Variants in PIAS2 observed in about 807,000 individuals in gnomAD.
PIAS2 encodes the protein E3 SUMO-protein ligase PIAS2.
Under a neutral mutation model 69.7 loss-of-function variants are expected in PIAS2, and 19 were observed. That is an observed-to-expected ratio of 0.27 (90% CI 0.19 to 0.40). PIAS2 has a LOEUF of 0.40. PIAS2 is among the 10% of genes least tolerant of loss of function. The pLI, the probability that PIAS2 is intolerant of heterozygous loss-of-function variation, is 1.00. For synonymous variants in PIAS2, 261 were observed against 263.2 expected (o/e 0.99, Z 0.08); for missense variants, 624 against 757.0 (o/e 0.82, Z 2.06).
intron 1 of PIAS2, among the ~76,000 whole-genome samples, chr18:46,906,634 T>A (rs2146238397): frequency 6.6e-6 from 1 of 152,268 alleles, no homozygotes; most frequent in South Asian, 2.1e-4. Context: ...TTGAAAGATG[T>A]TGTAAAAAAC....
At chr18:46,883,781 G>C (rs2052683887) in intron 2 of PIAS2, among the ~76,000 whole-genome samples, 1 of 152,180 alleles carries the variant, frequency 6.6e-6, no homozygotes, top group South Asian at 2.1e-4. Context: ...GGTTGAGGCT[G>C]AAGTGAGCCA....
intron 2 of PIAS2, among the ~76,000 whole-genome samples, chr18:46,886,314 T>TA (rs1162848290): frequency 6.6e-6 from 1 of 151,958 alleles, no homozygotes; most frequent in Non-Finnish European, 1.5e-5. Context: ...TCAACATAGA[T>TA]AAGGAAAAAA....
Position 46,855,248 on chromosome 18 carries a change from T to C in PIAS2, c.726+97A>G. On this transcript the variant is annotated intron_variant, in intron 5 of 13. Coordinates refer to ENST00000585916, the MANE Select transcript of PIAS2 (RefSeq NM_004671.5). ...TATTTAATCTGGATGCTAAAACTGT[T>C]CACTGGTATTCAGCTGTCACTGTTG... 3 of 724,590 alleles carry C rather than the reference T, an allele frequency of 4.1e-6. No homozygotes were observed. The South Asian group carries it at 5.9e-5, about 14-fold the overall frequency. The allele number at this position is 724,590 out of a possible 1,614,324, so 44.9% of individuals were successfully genotyped here.
At chr18:46,829,208 T>C (rs2043235153) in intron 10 of PIAS2, among the ~76,000 whole-genome samples, 1 of 152,212 alleles carries the variant, frequency 6.6e-6, no homozygotes, top group South Asian at 2.1e-4. Context: ...TTAGTGTGGA[T>C]GGATGCAGGC....
At chr18:46,843,801 A>G (rs1466094407) in intron 8 of PIAS2, 1 of 269,966 alleles carries the variant, frequency 3.7e-6, no homozygotes, top group African/African-American at 2.2e-5. Flanking sequence ...TTTTATTACT[A>G]GCTGTATATT....
rs1350944270 is a variant in PIAS2, at chr18:46,844,139, A to T, written c.968-12T>A. On this transcript the variant is annotated splice_polypyrimidine_tract_variant and intron_variant, in intron 7 of 13. Transcript: ENST00000585916. ...AAGTTTTTCTTTAACTTTAAAAAGA[A>T]GAGAAAAAAAAAAATTTAAAAAAAT... 7.5e-7 allele frequency: 1 copy of T among 1,337,490 alleles called. No individual in the cohort carries two copies. The highest frequency in any genetic ancestry group is 9.8e-7 in the Non-Finnish European group (1 of 1,017,970). 82.9% of individuals were successfully genotyped at this position (1,337,490 alleles called of 1,614,324 possible).
chr18:46,850,584 T>C (rs1328380969), intron 5 of PIAS2, among the ~76,000 whole-genome samples: 1 of 152,142 alleles, frequency 6.6e-6, no homozygotes, highest in Non-Finnish European at 1.5e-5. Flanking sequence ...ACAAAAAACT[T>C]CACAGAAAAT....
intron 3 of PIAS2, among the ~76,000 whole-genome samples, chr18:46,856,074 T>C (rs1367345654): frequency 8.2e-5 from 12 of 146,934 alleles, no homozygotes; most frequent in Admixed American, 6.2e-4. Context: ...GGCGCGATCT[T>C]GGCTCACTGC....
chr18:46,807,749 T>G lies in PIAS2; in HGVS notation c.*4684A>C, dbSNP rs2040782144. On this transcript the variant is annotated 3_prime_UTR_variant, in exon 14 of 14. Coordinates refer to ENST00000585916, the MANE Select transcript of PIAS2 (RefSeq NM_004671.5). Reference sequence around the variant, plus strand: ...AGCTTGGGAAAATCTCTGCCAATGATCTCCATATCAGTTAACCCCGTTCCA... The same window carrying G: ...AGCTTGGGAAAATCTCTGCCAATGAGCTCCATATCAGTTAACCCCGTTCCA... The G allele has an allele frequency of 6.6e-6, 1 of 152,264 alleles. No homozygotes were observed. Among genetic ancestry groups the G allele is most frequent in the South Asian group, 2.1e-4 (1 of 4,816 alleles). The allele number at this position is 152,264 out of a possible 1,614,324, so 9.4% of individuals were successfully genotyped here. A position where few individuals can be genotyped will look rare whatever the true frequency, so the allele number is the denominator to read the frequency against.
chr18:46,877,944 T>G (rs574127504), intron 2 of PIAS2, among the ~76,000 whole-genome samples: 1 of 152,332 alleles, frequency 6.6e-6, no homozygotes, highest in South Asian at 2.1e-4. Flanking sequence ...GTAAATGAAA[T>G]AATGCCACAA....
rs910177227 is a variant in PIAS2, at chr18:46,911,676, C to T, written c.24+5646G>A. ...CAATTTCTAGATTTTCCTGCAGAAG[C>T]ACAGAAAACTTTAGAAGAGTTATAA... On this transcript the variant is annotated intron_variant, in intron 1 of 13. Transcript: ENST00000585916. 2.0e-5 allele frequency among the ~76,000 whole-genome samples: 3 copies of T among 152,160 alleles called. No homozygotes were observed. In the South Asian group the frequency reaches 6.2e-4, roughly 32 times the overall value.
chr18:46,857,365 C>G (rs1350894833), intron 3 of PIAS2, among the ~76,000 whole-genome samples: 1 of 152,162 alleles, frequency 6.6e-6, no homozygotes, highest in East Asian at 1.9e-4. Context: ...GTAAGTGGTA[C>G]AGTACATTAT....
chr18:46,836,971 C>T (rs565243526), intron 8 of PIAS2, among the ~76,000 whole-genome samples: 9 of 152,204 alleles, frequency 5.9e-5, no homozygotes, highest in East Asian at 1.9e-4. Flanking sequence ...GCACACAAAT[C>T]GGTATATAAA....
At chr18:46,878,926 GGGCTCATACTAT>G (rs1293004915) in intron 2 of PIAS2, among the ~76,000 whole-genome samples, 1 of 152,180 alleles carries the variant, frequency 6.6e-6, no homozygotes, top group Non-Finnish European at 1.5e-5. Context: ...AGGTTAACAG[GGGCTCATACTAT>G]GGCTAACATA....
chr18:46,818,442 G>A, intron 12 of PIAS2: 1 of 1,571,112 alleles, frequency 6.4e-7, no homozygotes, highest in Non-Finnish European at 8.6e-7. Flanking sequence ...TTTCTTCTTT[G>A]TTCTCCTGCA....
chr18:46,820,873 T>A (rs2042095310), intron 12 of PIAS2, 60 bp downstream of exon 12: 1 of 1,519,010 alleles, frequency 6.6e-7, no homozygotes, highest in Non-Finnish European at 8.9e-7. Flanking sequence ...CTTCACAGAT[T>A]AAGATTAAAA....
At chr18:46,909,678 T>C (rs1274071181) in intron 1 of PIAS2, among the ~76,000 whole-genome samples, 2 of 152,220 alleles carry the variant, frequency 1.3e-5, no homozygotes, top group African/African-American at 4.8e-5. Context: ...TTATCCAATA[T>C]TGGTGAATAT....
upstream of PIAS2, among the ~76,000 whole-genome samples, chr18:46,918,613 G>C (rs1180848958): frequency 6.6e-6 from 1 of 152,102 alleles, no homozygotes; most frequent in Non-Finnish European, 1.5e-5. Flanking sequence ...GTAGAAACGA[G>C]GTTTCTCCAA....
At position 46,844,141 on chromosome 18, in the gene PIAS2, A is replaced by AG. The variant is rs772059748; in HGVS notation, c.968-15dup. The stretch of plus-strand genomic sequence containing the variant: ...GTTTTTCTTTAACTTTAAAAAGAAG[A>AG]GAAAAAAAAAAATTTAAAAAAATTA... On this transcript the variant is annotated splice_polypyrimidine_tract_variant and intron_variant, in intron 7 of 13. Coordinates refer to ENST00000585916, the MANE Select transcript of PIAS2 (RefSeq NM_004671.5). 42 of 1,297,224 alleles carry AG rather than the reference A, an allele frequency of 3.2e-5. No individual in the cohort carries two copies. The South Asian group carries it at 6.0e-4, about 18-fold the overall frequency. 80.4% of individuals were successfully genotyped at this position (1,297,224 alleles called of 1,614,324 possible). A position where few individuals can be genotyped will look rare whatever the true frequency, so the allele number is the denominator to read the frequency against.
Sources: gnomAD v4.1 joint callset for allele counts (sites outside exome capture counted in the v4.1 genomes callset) on GRCh38, gnomAD v4.1.1 for gene constraint, MANE v1.5 for transcripts, NCBI Gene and HGNC (gene_info 2026-07-23, HGNC 2026-07-21) for gene names.